TRHDE: variants seen among roughly 807,000 people sequenced by gnomAD.
TRHDE encodes thyrotropin releasing hormone degrading enzyme, also known as thyrotropin-releasing hormone-degrading ectoenzyme.
TRHDE carries 72 observed loss-of-function variants against 125.7 expected under a neutral mutation model. That is an observed-to-expected ratio of 0.57 (90% CI 0.47 to 0.70). The LOEUF (loss-of-function observed/expected upper bound fraction) is 0.70, where lower values mean the gene tolerates loss of function less well. Ranked by LOEUF, TRHDE falls within the 30% of genes least tolerant of loss-of-function variation. The pLI is 0.00. For synonymous variants in TRHDE, 509 were observed against 509.1 expected, an observed-to-expected ratio of 1.00 and a Z score of 0.00; for missense variants, 1,110 against 1,327.1, an observed-to-expected ratio of 0.84 and a Z score of 2.54.
At chr12:72,199,874 C>T (rs968909100) in intron 2 of TRHDE, among the ~76,000 whole-genome samples, 1 of 152,062 alleles carries the variant, frequency 6.6e-6, no homozygotes, top group African/African-American at 2.4e-5. Flanking sequence ...TGTTTGGATC[C>T]TAGTATGAAT....
intron 3 of TRHDE, among the ~76,000 whole-genome samples, chr12:72,463,520 GAT>G (rs1193985238): frequency 6.6e-6 from 1 of 152,148 alleles, no homozygotes; most frequent in Non-Finnish European, 1.5e-5. Flanking sequence ...TAGGACAATT[GAT>G]AACTATCTGA....
chr12:72,190,241 C>T (rs1465547841), intron 2 of TRHDE, among the ~76,000 whole-genome samples: 1 of 152,160 alleles, frequency 6.6e-6, no homozygotes, highest in Non-Finnish European at 1.5e-5. Flanking sequence ...TGCAGTGTTA[C>T]CTCGCCATCA....
upstream of TRHDE, among the ~76,000 whole-genome samples, chr12:72,267,906 A>C (rs1284499613): frequency 6.6e-6 from 1 of 152,056 alleles, no homozygotes; most frequent in Non-Finnish European, 1.5e-5. Context: ...CCTTATCTTC[A>C]AGATCTTGAG....
chr12:72,368,106 A>G (rs183398848), intron 2 of TRHDE, among the ~76,000 whole-genome samples: 1 of 152,318 alleles, frequency 6.6e-6, no homozygotes, highest in Admixed American at 6.5e-5. Flanking sequence ...TAAACAACAA[A>G]TCATTAATAC....
intron 2 of TRHDE, among the ~76,000 whole-genome samples, chr12:72,241,618 T>C (rs910412138): frequency 2.0e-5 from 3 of 152,218 alleles, no homozygotes; most frequent in Non-Finnish European, 4.4e-5. Context: ...AGTAAACGTT[T>C]GTGTGTGAGT....
chr12:72,267,198 T>G (rs1879087955), intron 2 of TRHDE, among the ~76,000 whole-genome samples: 1 of 152,122 alleles, frequency 6.6e-6, no homozygotes, highest in African/African-American at 2.4e-5. Context: ...TTTGCAGGTT[T>G]CATGAATAAA....
intron 2 of TRHDE, among the ~76,000 whole-genome samples, chr12:72,155,280 T>C (rs1267967606): frequency 6.6e-6 from 1 of 152,222 alleles, no homozygotes; most frequent in Non-Finnish European, 1.5e-5. Context: ...TTGGTTATTC[T>C]AGTTAGCCAT....
chr12:72,663,129 T>G lies in TRHDE; in HGVS notation c.3144T>G (p.Asn1048Lys). ...FSRAVETVEA[N>K]VRWKMLYQDE... The stretch of plus-strand genomic sequence containing the variant: ...GAGCTGTGGAAACTGTCGAAGCCAA[T>G]GTGCGCTGGAAAATGCTTTACCAAG... Residue 1048 changes from asparagine to lysine, a missense_variant, in exon 19 of 19, where the codon AAT becomes AAG. Asn to Lys is a moderately conservative substitution (Grantham distance 94). This residue lies in a region of TRHDE where 527 missense variants were observed against 651.8 expected (regional missense o/e 0.81). Coordinates refer to ENST00000261180, the MANE Select transcript of TRHDE (RefSeq NM_013381.3). The G allele has an allele frequency of 1.2e-6, 2 of 1,613,326 alleles. No individual in the cohort carries two copies. The highest frequency in any genetic ancestry group is 1.7e-6 in the Non-Finnish European group (2 of 1,179,554).
chr12:72,134,594 G>A (rs1351969828), intron 2 of TRHDE, among the ~76,000 whole-genome samples: 1 of 151,776 alleles, frequency 6.6e-6, no homozygotes, highest in Non-Finnish European at 1.5e-5. Flanking sequence ...TTCTCAAAGA[G>A]GGTCTTCAAA....
At chr12:72,132,149 G>T (rs1875880232) in intron 2 of TRHDE, among the ~76,000 whole-genome samples, 2 of 152,164 alleles carry the variant, frequency 1.3e-5, no homozygotes, top group South Asian at 4.1e-4. Flanking sequence ...TGTAACTTTT[G>T]GAGTTTGCAG....
chr12:72,421,292 C>T (rs777316661), intron 3 of TRHDE, among the ~76,000 whole-genome samples: 9 of 152,136 alleles, frequency 5.9e-5, no homozygotes, highest in Non-Finnish European at 8.8e-5. Context: ...CTGGAGGTGA[C>T]TCTTGAATGG....
intron 15 of TRHDE, among the ~76,000 whole-genome samples, chr12:72,631,981 T>A (rs1873515325): frequency 6.6e-6 from 1 of 151,964 alleles, no homozygotes. Flanking sequence ...CGTTGATGGA[T>A]AAGATAAATC....
chr12:72,129,251 T>A (rs1031539860), intron 2 of TRHDE, among the ~76,000 whole-genome samples: 1 of 152,172 alleles, frequency 6.6e-6, no homozygotes, highest in African/African-American at 2.4e-5. Context: ...CTGCACTAAG[T>A]GGAATGCTCA....
intron 7 of TRHDE, among the ~76,000 whole-genome samples, chr12:72,552,272 A>G (rs1259746588): frequency 6.6e-6 from 1 of 152,206 alleles, no homozygotes; most frequent in Non-Finnish European, 1.5e-5. Context: ...TTTTATATTC[A>G]GGTAAGAGAT....
At chr12:72,219,116 T>C (rs1877952661) in intron 2 of TRHDE, among the ~76,000 whole-genome samples, 1 of 152,194 alleles carries the variant, frequency 6.6e-6, no homozygotes, top group Admixed American at 6.5e-5. Flanking sequence ...CTTATTAAAA[T>C]GTGATAGTAA....
chr12:72,597,690 G>A (rs1872005268), intron 12 of TRHDE, among the ~76,000 whole-genome samples: 1 of 76,104 alleles, frequency 1.3e-5, no homozygotes, highest in Non-Finnish European at 2.2e-5. Context: ...AACTAAGAGA[G>A]GTATATATAT....
At chr12:72,179,653 T>A (rs901540143) in intron 2 of TRHDE, among the ~76,000 whole-genome samples, 1 of 152,144 alleles carries the variant, frequency 6.6e-6, no homozygotes, top group Non-Finnish European at 1.5e-5. Context: ...TCTACAGTCA[T>A]AACTCATGTA....
At position 72,669,115 on chromosome 12, in the gene TRHDE, C is replaced by T. The variant is rs553995719; in HGVS notation, c.*5920C>T. ...GGTAATTAACAGATATTTCGGCCAA[C>T]GAGACACACACACACATGAAAAAAA... On this transcript the variant is annotated 3_prime_UTR_variant, in exon 19 of 19. Coordinates refer to ENST00000261180, the MANE Select transcript of TRHDE (RefSeq NM_013381.3). 2.5e-4 allele frequency: 38 copies of T among 150,990 alleles called. No individual in the cohort carries two copies. The highest frequency in any genetic ancestry group is 7.1e-4 in the African/African-American group (29 of 40,860). The allele number at this position is 150,990 out of a possible 1,614,324, so 9.4% of individuals were successfully genotyped here.
At chr12:72,486,707 C>G (rs1565761509) in intron 5 of TRHDE, among the ~76,000 whole-genome samples, 1 of 152,116 alleles carries the variant, frequency 6.6e-6, no homozygotes, top group Non-Finnish European at 1.5e-5. Context: ...AGTGACCGCA[C>G]CACTAAGTAT....
Sources: allele counts gnomAD v4.1 joint callset (sites outside exome capture counted in the v4.1 genomes callset), GRCh38; gene constraint gnomAD v4.1.1; regional missense constraint gnomAD v4.1.1; transcripts MANE v1.5; gene names NCBI Gene and HGNC (gene_info 2026-07-23, HGNC 2026-07-21).